Variants in ASIC2 observed in about 807,000 individuals in gnomAD.
ASIC2 encodes the protein acid-sensing ion channel 2.
ASIC2 carries 25 observed loss-of-function variants against 57.3 expected under a neutral mutation model. The observed-to-expected ratio is 0.44, with a 90% CI of 0.32 to 0.61. The LOEUF is 0.61. Ranked by LOEUF, ASIC2 falls within the 20% of genes least tolerant of loss-of-function variation. The pLI is 0.06. For missense variants in ASIC2, 641 were observed against 738.1 expected (o/e 0.87, Z 1.52); for synonymous variants, 319 against 307.5 (o/e 1.04, Z -0.39).
At chr17:33,883,798 G>A (rs1346192367) in intron 1 of ASIC2, among the ~76,000 whole-genome samples, 1 of 152,156 alleles carries the variant, frequency 6.6e-6, no homozygotes, top group East Asian at 1.9e-4. Context: ...CAAAGAAGAA[G>A]AACAATAACA....
At chr17:33,023,758 A>C in intron 6 of ASIC2, 103 bp downstream of exon 6, 1 of 1,483,530 alleles carries the variant, frequency 6.7e-7, no homozygotes, top group African/African-American at 1.4e-5. Context: ...AATGTTTGCT[A>C]ACTTGAACCA....
chr17:33,575,640 G>C (rs1341905994), intron 1 of ASIC2, among the ~76,000 whole-genome samples: 1 of 152,206 alleles, frequency 6.6e-6, no homozygotes, highest in African/African-American at 2.4e-5. Context: ...ACTGTACGGA[G>C]ATAAATGTTA....
chr17:33,425,384 TG>T (rs1459426596), intron 1 of ASIC2, among the ~76,000 whole-genome samples: 42 of 152,256 alleles, frequency 2.8e-4, no homozygotes, highest in Admixed American at 2.2e-3. Context: ...ATATAGTCTC[TG>T]TAGAGTACAG....
chr17:33,351,454 C>A (rs941825269), intron 1 of ASIC2, among the ~76,000 whole-genome samples: 2 of 152,190 alleles, frequency 1.3e-5, no homozygotes, highest in South Asian at 4.1e-4. Flanking sequence ...TGTTTCCCCA[C>A]AGGTCTAATG....
chr17:33,885,607 A>G (rs146605751), intron 1 of ASIC2, among the ~76,000 whole-genome samples: 4 of 152,352 alleles, frequency 2.6e-5, no homozygotes, highest in African/African-American at 9.6e-5. Flanking sequence ...AGGTCACACC[A>G]TCATAACTGC....
At chr17:33,387,760 A>G (rs1414575957) in intron 1 of ASIC2, among the ~76,000 whole-genome samples, 2 of 152,258 alleles carry the variant, frequency 1.3e-5, no homozygotes, top group African/African-American at 4.8e-5. Context: ...AGTTAACAAT[A>G]CTTTATTGTA....
At chr17:33,413,081 A>T (rs1463696934) in intron 1 of ASIC2, among the ~76,000 whole-genome samples, 6 of 152,170 alleles carry the variant, frequency 3.9e-5, no homozygotes, top group Non-Finnish European at 5.9e-5. Context: ...GGTTCTCCAG[A>T]GATGGGGGCA....
chr17:33,688,086 T>A (rs1908250310), intron 1 of ASIC2, among the ~76,000 whole-genome samples: 1 of 152,084 alleles, frequency 6.6e-6, no homozygotes, highest in African/African-American at 2.4e-5. Flanking sequence ...GAGAGGGGAA[T>A]GTGTGTGTTG....
intron 1 of ASIC2, among the ~76,000 whole-genome samples, chr17:33,895,373 G>A (rs1443178240): frequency 1.3e-5 from 2 of 152,054 alleles, no homozygotes; most frequent in Non-Finnish European, 2.9e-5. Context: ...ATATTGGTCA[G>A]GTTGGTCTCG....
intron 1 of ASIC2, among the ~76,000 whole-genome samples, chr17:33,928,894 T>G (rs1012227159): frequency 6.6e-6 from 1 of 152,134 alleles, no homozygotes; most frequent in East Asian, 1.9e-4. Flanking sequence ...TAACCGAGGC[T>G]GCAAACATCA....
intron 1 of ASIC2, among the ~76,000 whole-genome samples, chr17:33,119,227 T>C (rs2092292150): frequency 6.6e-6 from 1 of 152,210 alleles, no homozygotes; most frequent in African/African-American, 2.4e-5. Context: ...CATCTCTTCT[T>C]GCTTATTACA....
intron 1 of ASIC2, among the ~76,000 whole-genome samples, chr17:33,516,946 A>G (rs1442401057): frequency 6.6e-6 from 1 of 152,142 alleles, no homozygotes; most frequent in Admixed American, 6.5e-5. Flanking sequence ...CAAAACCCTC[A>G]CACATCAGAA....
At chr17:33,962,602 G>C (rs1419193010) in intron 1 of ASIC2, among the ~76,000 whole-genome samples, 1 of 152,092 alleles carries the variant, frequency 6.6e-6, no homozygotes, top group Non-Finnish European at 1.5e-5. Context: ...GCTCATGTTC[G>C]CTTGTACTGG....
At chr17:33,981,186 G>C (rs1489720443) in intron 1 of ASIC2, among the ~76,000 whole-genome samples, 2 of 152,016 alleles carry the variant, frequency 1.3e-5, no homozygotes, top group Non-Finnish European at 2.9e-5. Context: ...TCCTGACCTA[G>C]TGATCCACCT....
intron 1 of ASIC2, among the ~76,000 whole-genome samples, chr17:33,928,141 A>G (rs949278399): frequency 1.3e-5 from 2 of 152,048 alleles, no homozygotes; most frequent in Admixed American, 1.3e-4. Flanking sequence ...ACTGGAAAAA[A>G]ACCACAATTA....
chr17:33,370,244 G>T (rs1159901933), intron 1 of ASIC2, among the ~76,000 whole-genome samples: 1 of 152,176 alleles, frequency 6.6e-6, no homozygotes. Flanking sequence ...GAATGAGCAG[G>T]AGAATTTCAG....
chr17:34,042,165 C>T (rs780182706), intron 1 of ASIC2, among the ~76,000 whole-genome samples: 2 of 152,162 alleles, frequency 1.3e-5, no homozygotes, highest in Non-Finnish European at 2.9e-5. Flanking sequence ...TCCAATTTAG[C>T]AGTTTCTTAA....
intron 1 of ASIC2, among the ~76,000 whole-genome samples, chr17:33,449,387 T>C (rs1812726467): frequency 6.6e-6 from 1 of 152,192 alleles, no homozygotes; most frequent in Non-Finnish European, 1.5e-5. Context: ...CTTTCCTGTA[T>C]TTTTCCATTC....
intron 1 of ASIC2, among the ~76,000 whole-genome samples, chr17:33,847,189 A>C (rs550715657): frequency 2.6e-4 from 40 of 151,690 alleles, no homozygotes; most frequent in African/African-American, 9.7e-4. Flanking sequence ...GCCTTACAGG[A>C]GAAAGTTTCT....
Sources: gnomAD v4.1 joint callset for allele counts (sites outside exome capture counted in the v4.1 genomes callset) on GRCh38, gnomAD v4.1.1 for gene constraint, MANE v1.5 for transcripts, NCBI Gene and HGNC (gene_info 2026-07-23, HGNC 2026-07-21) for gene names.